Variants in CSMD1 observed in about 807,000 individuals in gnomAD.
CSMD1 encodes the protein CUB and sushi domain-containing protein 1.
A neutral mutation model predicts 417.5 loss-of-function variants in CSMD1; 213 were observed. The ratio of observed to expected loss-of-function variants is 0.51; its 90% CI spans 0.46 to 0.57. The LOEUF (loss-of-function observed/expected upper bound fraction) is 0.57, where lower values mean the gene tolerates loss of function less well. CSMD1 is among the 20% of genes least tolerant of loss of function. CSMD1 has a pLI of 0.00. For missense variants in CSMD1, 6,923 were observed against 4,529.7 expected, an observed-to-expected ratio of 1.53 and a Z score of -15.17; for synonymous variants, 2,862 against 1,736.8, an observed-to-expected ratio of 1.65 and a Z score of -16.11.
intron 3 of CSMD1, among the ~76,000 whole-genome samples, chr8:4,315,688 T>C (rs1053680326): frequency 6.6e-6 from 1 of 152,162 alleles, no homozygotes; most frequent in African/African-American, 2.4e-5. Flanking sequence ...GATTATAAAA[T>C]AGCCATTGAA....
intron 3 of CSMD1, among the ~76,000 whole-genome samples, chr8:4,101,599 A>T (rs1244486020): frequency 6.6e-6 from 1 of 152,296 alleles, no homozygotes; most frequent in Admixed American, 6.5e-5. Context: ...AAATATTCCA[A>T]CCCAAATGTA....
At chr8:4,784,387 C>T (rs1194460940) in intron 1 of CSMD1, among the ~76,000 whole-genome samples, 1 of 152,204 alleles carries the variant, frequency 6.6e-6, no homozygotes, top group East Asian at 1.9e-4. Context: ...TACCTTGTAA[C>T]ACAAGCAATT....
At chr8:3,237,132 C>T (rs527752145) in intron 26 of CSMD1, among the ~76,000 whole-genome samples, 1 of 151,786 alleles carries the variant, frequency 6.6e-6, no homozygotes, top group South Asian at 2.1e-4. Context: ...GCAATAACGC[C>T]AATCTTTTTG....
chr8:3,178,958 T>TA (rs1464884304), intron 37 of CSMD1, among the ~76,000 whole-genome samples: 1 of 150,450 alleles, frequency 6.6e-6, no homozygotes, highest in Non-Finnish European at 1.5e-5. Flanking sequence ...CTTTTTTTTT[T>TA]TTTTTTTGAG....
chr8:4,803,210 G>A (rs1798401495), intron 1 of CSMD1, among the ~76,000 whole-genome samples: 1 of 152,102 alleles, frequency 6.6e-6, no homozygotes, highest in South Asian at 2.1e-4. Flanking sequence ...TCCAAAGTGA[G>A]GATAAATTCC....
intron 1 of CSMD1, among the ~76,000 whole-genome samples, chr8:4,989,556 C>A (rs868829934): frequency 6.6e-6 from 1 of 152,192 alleles, no homozygotes; most frequent in African/African-American, 2.4e-5. Flanking sequence ...CTATGTGCAA[C>A]TACGCATGCA....
At chr8:3,576,058 C>T (rs950485077) in intron 9 of CSMD1, among the ~76,000 whole-genome samples, 17 of 152,134 alleles carry the variant, frequency 1.1e-4, no homozygotes, top group Non-Finnish European at 1.9e-4. Flanking sequence ...GATTAATCCT[C>T]GTCATAGCCC....
At chr8:4,115,020 G>C (rs745862407) in intron 3 of CSMD1, among the ~76,000 whole-genome samples, 2 of 152,262 alleles carry the variant, frequency 1.3e-5, no homozygotes, top group East Asian at 1.9e-4. Flanking sequence ...TAATGCAGAA[G>C]CATGGTTTGA....
chr8:4,926,223 C>T (rs575238726), intron 1 of CSMD1, among the ~76,000 whole-genome samples: 14 of 152,292 alleles, frequency 9.2e-5, no homozygotes, highest in African/African-American at 3.1e-4. Flanking sequence ...GCTGCTATTA[C>T]ATTTATTTTT....
In CSMD1 at chr8:4,965,148, G is replaced by A. The variant is rs1019378388; in HGVS notation, c.85+29184C>T. ...GTTCTGAAGATACAAGCAAATATTTGTAGATAGCATACAGATATCATGAGT... is the reference window on the plus strand; with the variant it reads ...GTTCTGAAGATACAAGCAAATATTTATAGATAGCATACAGATATCATGAGT... On this transcript the variant is annotated intron_variant, in intron 1 of 69. Transcript: ENST00000635120. Among the ~76,000 whole-genome samples, 11 of 152,254 alleles carry A rather than the reference G, an allele frequency of 7.2e-5. 1 individual carries two copies. In the South Asian group the frequency reaches 1.9e-3, roughly 26 times the overall value.
At chr8:3,701,363 T>C (rs1585098716) in intron 7 of CSMD1, among the ~76,000 whole-genome samples, 1 of 152,258 alleles carries the variant, frequency 6.6e-6, no homozygotes, top group Admixed American at 6.5e-5. Flanking sequence ...TCTCTTTTTC[T>C]TTGTCTCAGC....
chr8:3,561,327 C>T (rs1006448003), intron 10 of CSMD1, among the ~76,000 whole-genome samples: 2 of 152,128 alleles, frequency 1.3e-5, no homozygotes, highest in Admixed American at 6.6e-5. Flanking sequence ...AAAAGACACC[C>T]GCACTCCTCT....
intron 5 of CSMD1, among the ~76,000 whole-genome samples, chr8:3,766,632 G>A (rs979990644): frequency 6.6e-6 from 1 of 151,406 alleles, no homozygotes; most frequent in African/African-American, 2.4e-5. Flanking sequence ...TAAATTCCAC[G>A]CACAGTCGAT....
intron 40 of CSMD1, among the ~76,000 whole-genome samples, chr8:3,147,364 T>C (rs1171746945): frequency 6.6e-6 from 1 of 152,222 alleles, no homozygotes; most frequent in Non-Finnish European, 1.5e-5. Context: ...ATAAGTAATA[T>C]TTGTAAGAAT....
At position 4,144,911 on chromosome 8, in the gene CSMD1, C is replaced by T. The variant is rs576587550; in HGVS notation, c.416-112812G>A. 3.0e-4 allele frequency among the ~76,000 whole-genome samples: 45 copies of T among 151,142 alleles called. 1 individual carries two copies. In the East Asian group the frequency reaches 4.1e-3, roughly 14 times the overall value. On this transcript the variant is annotated intron_variant, in intron 3 of 69. Transcript: ENST00000635120. ...TAAAAAATAGGCTTTCAGACTCTATCAGTGAGTGGAGTGAAGCAGAGACCC... is the reference window on the plus strand; with the variant it reads ...TAAAAAATAGGCTTTCAGACTCTATTAGTGAGTGGAGTGAAGCAGAGACCC...
In CSMD1 at chr8:2,955,658, C is replaced by T. The variant is rs377494724; in HGVS notation, c.9925G>A (p.Ala3309Thr). ...CATGTTCTGTGCTCAGATCCCCCTGCGAGGAAAAAGCCTGGATGGCAGGTG... is the reference window on the plus strand; with the variant it reads ...CATGTTCTGTGCTCAGATCCCCCTGTGAGGAAAAAGCCTGGATGGCAGGTG... ...VYTCHPGFFL[A>T]GGSEHRTCKA... Residue 3309 changes from alanine (A) to threonine (T), a missense_variant, in exon 64 of 70, where the codon GCA becomes ACA. Coordinates refer to ENST00000635120, the MANE Select transcript of CSMD1 (RefSeq NM_033225.6). 32 of 1,613,706 alleles carry T rather than the reference C, an allele frequency of 2.0e-5. No individual in the cohort carries two copies. The highest frequency in any genetic ancestry group is 5.3e-5 in the African/African-American group (4 of 74,890).
chr8:4,127,453 GAAAAA>G (rs199764792), intron 3 of CSMD1, among the ~76,000 whole-genome samples: 14,001 of 102,370 alleles, frequency 0.14, 436 homozygotes, highest in South Asian at 0.21. Flanking sequence ...AAGCATTAAT[GAAAAA>G]AAAAAAAAAA....
At chr8:4,847,759 G>T (rs897884215) in intron 1 of CSMD1, among the ~76,000 whole-genome samples, 2 of 148,926 alleles carry the variant, frequency 1.3e-5, no homozygotes, top group African/African-American at 2.5e-5. Context: ...GTCTTCTATA[G>T]AATTCCTCTC....
chr8:3,382,910 G>C (rs969603141), intron 18 of CSMD1, among the ~76,000 whole-genome samples: 10 of 151,974 alleles, frequency 6.6e-5, no homozygotes, highest in Admixed American at 2.0e-4. Flanking sequence ...TAAAAACTAA[G>C]ATTTCTCAAA....
Sources: gnomAD v4.1 joint callset for allele counts (sites outside exome capture counted in the v4.1 genomes callset) on GRCh38, gnomAD v4.1.1 for gene constraint, MANE v1.5 for transcripts, NCBI Gene and HGNC (gene_info 2026-07-23, HGNC 2026-07-21) for gene names.